The following SZT2 variants were observed in gnomAD, a reference collection of about 807,000 sequenced individuals.
SZT2 encodes the protein KICSTOR complex protein SZT2.
In SZT2, 216 loss-of-function variants were observed where a neutral mutation model predicts 404.2. That is an observed-to-expected ratio of 0.53 (90% CI 0.48 to 0.60). SZT2 has a LOEUF of 0.60. Ranked by LOEUF, SZT2 falls within the 20% of genes least tolerant of loss-of-function variation. The pLI is 0.00. For synonymous variants in SZT2, 1,693 were observed against 1,749.9 expected (o/e 0.97, Z 0.81); for missense variants, 3,857 against 4,459.2 (o/e 0.86, Z 3.85).
chr1:43,423,794 TAGG>T (rs1652778953), intron 15 of SZT2, among the ~76,000 whole-genome samples: 1 of 145,086 alleles, frequency 6.9e-6, no homozygotes, highest in East Asian at 2.1e-4. Flanking sequence ...GGGTGTGACT[TAGG>T]GGGGTATGAG....
At chr1:43,402,819 G>A (rs1211178997) in intron 1 of SZT2, among the ~76,000 whole-genome samples, 2 of 152,124 alleles carry the variant, frequency 1.3e-5, no homozygotes, top group Non-Finnish European at 2.9e-5. Flanking sequence ...GACTTGTCCT[G>A]GTATTTGCTC....
At chr1:43,434,286 C>T (rs544696481) in intron 40 of SZT2, 100 bp from the exon 41 acceptor site, 20 of 1,040,278 alleles carry the variant, frequency 1.9e-5, no homozygotes, top group East Asian at 2.8e-5. Context: ...TTCTCTCCCC[C>T]TCGTGATACG....
chr1:43,398,446 C>T (rs985767692), intron 1 of SZT2, among the ~76,000 whole-genome samples: 1 of 152,082 alleles, frequency 6.6e-6, no homozygotes, highest in African/African-American at 2.4e-5. Flanking sequence ...CCAAACCATC[C>T]CTTAACAAAA....
At chr1:43,408,541 C>T (rs1394540178) in intron 4 of SZT2, among the ~76,000 whole-genome samples, 1 of 152,228 alleles carries the variant, frequency 6.6e-6, no homozygotes, top group African/African-American at 2.4e-5. Flanking sequence ...ACTGGGATTA[C>T]AGGCATGAGC....
chr1:43,439,076 A>G lies in SZT2; in HGVS notation c.6775A>G (p.Ser2259Gly). ...CTCTCCCAAGTACACAGATAGCAAC[A>G]GCCGGAACCACTTCCAAGTGAGATG... is the stretch of plus-strand genomic sequence containing the variant. ...LHSPKYTDSN[S>G]RNHFQHPLPP... The change falls in exon 48 of 72, where the codon AGC becomes GGC. Residue 2259 changes from serine (S) to glycine (G), a missense_variant. By Grantham distance (56) the Ser-to-Gly change is moderately conservative. Around this residue, in one of 7 missense-constraint regions of SZT2, gnomAD observed 261 missense variants for 372.9 expected, o/e 0.70. Transcript: ENST00000634258. The surrounding 1 kb of genome is among the most constrained non-coding windows in gnomAD (Gnocchi z 4.2). The G allele has an allele frequency of 6.2e-7, 1 of 1,614,202 alleles. No homozygotes were observed. Among genetic ancestry groups the G allele is most frequent in the Non-Finnish European group, 8.5e-7 (1 of 1,180,036 alleles).
At chr1:43,434,283 C>T in intron 40 of SZT2, 103 bp from the exon 41 acceptor site, 1 of 997,938 alleles carries the variant, frequency 1.0e-6, no homozygotes. Context: ...ACTTTCTCTC[C>T]CCCTCGTGAT....
At position 43,453,933 on chromosome 1, in the gene SZT2, G is replaced by A. The variant is rs1656759865; in HGVS notation, c.*3453G>A. 14 of 1,204,634 alleles carry A rather than the reference G, an allele frequency of 1.2e-5. No individual in the cohort carries two copies. Among genetic ancestry groups the A allele is most frequent in the Non-Finnish European group, 1.3e-5 (13 of 970,770 alleles). The allele number at this position is 1,204,634 out of a possible 1,614,324, so 74.6% of individuals were successfully genotyped here. On this transcript the variant is annotated 3_prime_UTR_variant, in exon 72 of 72. Transcript: ENST00000634258. ...CTGTTCGTGGTTAGAAAAGCGAAGT[G>A]CTGTAAAAACCCGGGCCTTCACGAA...
At position 43,452,804 on chromosome 1, in the gene SZT2, C is replaced by T; in HGVS notation, c.*2324C>T. The T allele has an allele frequency of 7.8e-7, 1 of 1,284,270 alleles. No homozygotes were observed. Among genetic ancestry groups the T allele is most frequent in the Non-Finnish European group, 1.1e-6 (1 of 912,004 alleles). The allele number at this position is 1,284,270 out of a possible 1,614,324, so 79.6% of individuals were successfully genotyped here. On this transcript the variant is annotated 3_prime_UTR_variant, in exon 72 of 72. Transcript: ENST00000634258. ...CAGGATTTGACATTTGAATCAGCCC[C>T]ACTTTGAGCCGTCCACCTCCTCCCA...
At position 43,428,002 on chromosome 1, in the gene SZT2, G is replaced by C; in HGVS notation, c.3804-1G>C. Reference sequence around the variant, plus strand: ...AGTTCCATTTTCCCTTCGTTTCCTAGGACTCAGTTCCTCGACCACCCCTCC... The same window carrying C: ...AGTTCCATTTTCCCTTCGTTTCCTACGACTCAGTTCCTCGACCACCCCTCC... On this transcript the variant is annotated splice_acceptor_variant, in intron 26 of 71. Coordinates refer to ENST00000634258, the MANE Select transcript of SZT2 (RefSeq NM_001365999.1). LOFTEE classifies it high-confidence loss of function. 1 of 1,613,328 alleles carries C rather than the reference G, an allele frequency of 6.2e-7. No homozygotes were observed. The highest frequency in any genetic ancestry group is 8.5e-7 in the Non-Finnish European group (1 of 1,179,418).
chr1:43,396,947 T>C (rs1649065554), intron 1 of SZT2, among the ~76,000 whole-genome samples: 1 of 152,240 alleles, frequency 6.6e-6, no homozygotes, highest in African/African-American at 2.4e-5. Context: ...ACAGGAACTC[T>C]TCGTCAACAA....
Position 43,437,157 on chromosome 1 carries a change from T to C in SZT2, c.6035-14T>C, listed in dbSNP as rs1346165057. On this transcript the variant is annotated splice_polypyrimidine_tract_variant and intron_variant, in intron 42 of 71. Coordinates refer to ENST00000634258, the MANE Select transcript of SZT2 (RefSeq NM_001365999.1). The surrounding 1 kb of genome is among the most constrained non-coding windows in gnomAD (Gnocchi z 5.3). ...GGTGTGTCCCATTTCTAATCCCTGC[T>C]CCCCCTCACCCAGATTATGCTGCTG... 1 of 1,613,734 alleles carries C rather than the reference T, an allele frequency of 6.2e-7. No homozygotes were observed. The highest frequency in any genetic ancestry group is 1.1e-5 in the South Asian group (1 of 91,040).
At chr1:43,402,721 G>T (rs1429855829) in intron 1 of SZT2, among the ~76,000 whole-genome samples, 1 of 152,188 alleles carries the variant, frequency 6.6e-6, no homozygotes, top group Non-Finnish European at 1.5e-5. Context: ...TGGAAGGCTT[G>T]CTATTCCTTC....
rs1327294934 is a variant in SZT2 at position 43,415,192 on chromosome 1, G to A, written c.609G>A (p.Gln203=). 6.3e-7 allele frequency: 1 copy of A among 1,598,010 alleles called. No homozygotes were observed. Among genetic ancestry groups the A allele is most frequent in the East Asian group, 2.2e-5 (1 of 44,872 alleles). ...FEDKVATMLQ[Q]QYDPQSQAED... ...ATAAGGTGGCCACCATGCTGCAGCA[G>A]CAGTACGATCCCCAGAGCCAGGTAT... The change falls in exon 5 of 72, where the codon CAG becomes CAA. Residue 203 remains glutamine (Q), a synonymous_variant. Transcript: ENST00000634258.
rs571483974 is a variant in SZT2, at chr1:43,453,223, C to G, written c.*2743C>G. 3.3e-5 allele frequency: 21 copies of G among 639,094 alleles called. No homozygotes were observed. In the African/African-American group the frequency reaches 3.8e-4, roughly 12 times the overall value. The allele number at this position is 639,094 out of a possible 1,614,324, so 39.6% of individuals were successfully genotyped here. A position where few individuals can be genotyped will look rare whatever the true frequency, so the allele number is the denominator to read the frequency against. ...GAGTGGCAAACAGAGTGGCATAAGA[C>G]AGATAAAATACAAAAGGCAATTTAC... On this transcript the variant is annotated 3_prime_UTR_variant, in exon 72 of 72. Transcript: ENST00000634258.
Position 43,451,139 on chromosome 1 carries a change from A to G in SZT2, c.*659A>G. Reference sequence around the variant, plus strand: ...ACACTATGTGTCCCACCACCCCATTACAGAGACATATGACAATGTTCAGCA... The same window carrying G: ...ACACTATGTGTCCCACCACCCCATTGCAGAGACATATGACAATGTTCAGCA... On this transcript the variant is annotated 3_prime_UTR_variant, in exon 72 of 72. Coordinates refer to ENST00000634258, the MANE Select transcript of SZT2 (RefSeq NM_001365999.1). 2 of 1,148,314 alleles carry G rather than the reference A, an allele frequency of 1.7e-6. No individual in the cohort carries two copies. The allele number at this position is 1,148,314 out of a possible 1,614,324, so 71.1% of individuals were successfully genotyped here.
chr1:43,448,278 G>A lies in SZT2; in HGVS notation c.9763G>A (p.Val3255Met). Residue 3255 changes from valine to methionine, a missense_variant, in exon 69 of 72, where the codon GTG (valine) becomes ATG (methionine). Val to Met is a conservative substitution (Grantham distance 21, BLOSUM62 1). Around this residue, in one of 7 missense-constraint regions of SZT2, gnomAD observed 717 missense variants for 868.2 expected, o/e 0.83. Transcript: ENST00000634258. This position sits in a 1 kb window ranked among gnomAD's most constrained non-coding sequence, Gnocchi z 4.2. The part of the protein sequence containing the change: ...APLFPPLAAE[V>M]GMARARLAQL... The stretch of plus-strand genomic sequence containing the variant: ...TCTGTTCCCACCACTGGCTGCAGAG[G>A]TGGGCATGGCACGAGCACGGCTGGC... The A allele has an allele frequency of 6.4e-7, 1 of 1,567,446 alleles. No individual in the cohort carries two copies.
In SZT2 at chr1:43,440,011, G is replaced by A; in HGVS notation, c.7173G>A (p.Leu2391=). 1.2e-6 allele frequency: 2 copies of A among 1,614,126 alleles called. No individual in the cohort carries two copies. The highest frequency in any genetic ancestry group is 1.3e-5 in the African/African-American group (1 of 75,058). ...ALADAIIELQ[L]LPASLCTEDT... Reference sequence around the variant, plus strand: ...CCGATGCCATCATCGAGCTTCAGCTGCTGCCAGCTTCACTATGTACAGAGG... The same window carrying A: ...CCGATGCCATCATCGAGCTTCAGCTACTGCCAGCTTCACTATGTACAGAGG... The change falls in exon 51 of 72, where the codon CTG becomes CTA. Residue 2391 remains leucine (L), a synonymous_variant. Coordinates refer to ENST00000634258, the MANE Select transcript of SZT2 (RefSeq NM_001365999.1).
chr1:43,421,302 C>T lies in SZT2; in HGVS notation c.1625C>T (p.Pro542Leu), dbSNP rs1262826738. The part of the protein sequence containing the change: ...LFYIPPGSTT[P>L]VLSLQPSGSD... Reference sequence around the variant, plus strand: ...TACATCCCTCCAGGCTCCACCACCCCGGTGAGTAGCTCTGAAGTATAGTAG... The same window carrying T: ...TACATCCCTCCAGGCTCCACCACCCTGGTGAGTAGCTCTGAAGTATAGTAG... Residue 542 changes from proline to leucine, a missense_variant and splice_region_variant, in exon 11 of 72, where the codon CCG becomes CTG. This residue lies in a region of SZT2 where 39 missense variants were observed against 89.7 expected (regional missense o/e 0.43). Transcript: ENST00000634258. The T allele has an allele frequency of 3.8e-6, 6 of 1,598,402 alleles. No homozygotes were observed. The highest frequency in any genetic ancestry group is 4.2e-6 in the Non-Finnish European group (5 of 1,179,744).
chr1:43,410,388 TA>T (rs1183107100), intron 4 of SZT2: 1 of 151,684 alleles, frequency 6.6e-6, no homozygotes. Flanking sequence ...CCATCTTTAC[TA>T]AAAAACTACA....
Sources: allele counts gnomAD v4.1 joint callset (sites outside exome capture counted in the v4.1 genomes callset), GRCh38; gene constraint gnomAD v4.1.1; regional missense constraint gnomAD v4.1.1; non-coding constraint Gnocchi (gnomAD v3.1); transcripts MANE v1.5; gene names NCBI Gene and HGNC (gene_info 2026-07-23, HGNC 2026-07-21).